MIPEP: variants seen among roughly 807,000 people sequenced by gnomAD.
MIPEP encodes mitochondrial intermediate peptidase.
MIPEP carries 79 observed loss-of-function variants against 90.3 expected under a neutral mutation model. The ratio of observed to expected loss-of-function variants is 0.87; its 90% confidence interval spans 0.73 to 1.05. The LOEUF (loss-of-function observed/expected upper bound fraction) is 1.05. Ranked by LOEUF, MIPEP falls within the 50% of genes least tolerant of loss-of-function variation. The pLI is 0.00. For missense variants in MIPEP, 940 were observed against 905.6 expected, an observed-to-expected ratio of 1.04 and a Z score of -0.49; for synonymous variants, 334 against 315.8, an observed-to-expected ratio of 1.06 and a Z score of -0.61.
At chr13:23,830,864 A>C (rs1868705067) in intron 14 of MIPEP, among the ~76,000 whole-genome samples, 1 of 152,184 alleles carries the variant, frequency 6.6e-6, no homozygotes, top group South Asian at 2.1e-4. Context: ...TCACTGTAAA[A>C]CAGGCCCTCC....
chr13:23,813,183 T>A (rs1045820367), intron 14 of MIPEP, among the ~76,000 whole-genome samples: 3 of 152,220 alleles, frequency 2.0e-5, no homozygotes, highest in South Asian at 4.1e-4. Context: ...AGTTATTTTT[T>A]AAAAATAAAC....
intron 14 of MIPEP, among the ~76,000 whole-genome samples, chr13:23,818,765 T>C (rs137883040): frequency 9.9e-4 from 151 of 152,334 alleles, no homozygotes; most frequent in African/African-American, 3.5e-3. Context: ...GTTCATTATG[T>C]ATGGAGAAAT....
At chr13:23,780,264 G>A (rs1215614490) in intron 16 of MIPEP, among the ~76,000 whole-genome samples, 1 of 152,236 alleles carries the variant, frequency 6.6e-6, no homozygotes, top group Non-Finnish European at 1.5e-5. Context: ...AGCTTCCAGA[G>A]GAATGATCAA....
chr13:23,783,109 G>A (rs1952798187), intron 16 of MIPEP, among the ~76,000 whole-genome samples: 1 of 152,116 alleles, frequency 6.6e-6, no homozygotes, highest in South Asian at 2.1e-4. Context: ...CATTTTATGA[G>A]GCCAGCATCA....
rs34069993 is a variant in MIPEP, at chr13:23,885,912, T to TAAA, written c.363+418_363+420dup. 7.5e-4 allele frequency among the ~76,000 whole-genome samples: 101 copies of TAAA among 134,924 alleles called. 1 individual carries two copies. The highest frequency in any genetic ancestry group is 6.4e-4 in the East Asian group (3 of 4,682). The allele number at this position is 134,924 out of a possible 152,430, so 88.5% of individuals were successfully genotyped here. A position where few individuals can be genotyped will look rare whatever the true frequency, so the allele number is the denominator to read the frequency against. ...CAACACAGGGAGACCCTGTCTCTAT[T>TAAA]AAAAAAAAAAAAAAAAGAAAAAGGG... On this transcript the variant is annotated intron_variant, in intron 2 of 18. Transcript: ENST00000382172.
At position 23,847,477 on chromosome 13, in the gene MIPEP, A is replaced by AAC. The variant is rs1555239492; in HGVS notation, c.1107-5990_1107-5989insGT. Among the ~76,000 whole-genome samples, 9 of 151,906 alleles carry AAC rather than the reference A, an allele frequency of 5.9e-5. No homozygotes were observed. The South Asian group carries it at 1.3e-3, about 21-fold the overall frequency. ...TCAAATCCAAGCTAAAAAAAAAAAA[A>AAC]AAACCCAAACAGAAAACTACAGACA... On this transcript the variant is annotated intron_variant, in intron 10 of 18. Coordinates refer to ENST00000382172, the MANE Select transcript of MIPEP (RefSeq NM_005932.4).
chr13:23,779,176 G>A (rs1364126506), intron 16 of MIPEP, among the ~76,000 whole-genome samples: 1 of 152,186 alleles, frequency 6.6e-6, no homozygotes, highest in Non-Finnish European at 1.5e-5. Flanking sequence ...CAGTTTGAAA[G>A]TTCAAGCCAT....
At chr13:23,819,106 T>C (rs1004876655) in intron 14 of MIPEP, among the ~76,000 whole-genome samples, 1 of 152,246 alleles carries the variant, frequency 6.6e-6, no homozygotes, top group African/African-American at 2.4e-5. Flanking sequence ...GGTTTATTCA[T>C]TTCTTTTAAT....
intron 10 of MIPEP, among the ~76,000 whole-genome samples, chr13:23,854,469 T>G (rs1290354958): frequency 6.6e-6 from 1 of 152,206 alleles, no homozygotes; most frequent in Non-Finnish European, 1.5e-5. Context: ...GAGCCCATTT[T>G]TTGAATAGTT....
chr13:23,845,922 ATT>A (rs577515187), intron 10 of MIPEP, among the ~76,000 whole-genome samples: 3 of 136,822 alleles, frequency 2.2e-5, no homozygotes, highest in African/African-American at 5.3e-5. Context: ...ATTGTTTTTA[ATT>A]TTTTTTTTTT....
chr13:23,749,654 G>A (rs1258712395), intron 18 of MIPEP, among the ~76,000 whole-genome samples: 2 of 152,126 alleles, frequency 1.3e-5, no homozygotes, highest in Admixed American at 6.5e-5. Context: ...TGGCCGAATT[G>A]CATAAGGGCT....
At chr13:23,836,450 G>A in intron 13 of MIPEP, 101 bp from the exon 14 acceptor site, 1 of 536,344 alleles carries the variant, frequency 1.9e-6, no homozygotes, top group Non-Finnish European at 3.1e-6. Flanking sequence ...CTGATGAACT[G>A]TAAGTTTTAA....
chr13:23,820,281 G>A (rs1448395592), intron 14 of MIPEP, among the ~76,000 whole-genome samples: 2 of 152,190 alleles, frequency 1.3e-5, no homozygotes, highest in African/African-American at 2.4e-5. Flanking sequence ...AAGCAGGTCA[G>A]ATTGTCTAGG....
At position 23,879,481 on chromosome 13, in the gene MIPEP, G is replaced by A. The variant is rs139529409; in HGVS notation, c.453-127C>T. The stretch of plus-strand genomic sequence containing the variant: ...GAAGCTGAACAGCATAACCTACCAG[G>A]AACAGTGTAACCATCCTTCCTTCCT... On this transcript the variant is annotated intron_variant, in intron 3 of 18. Transcript: ENST00000382172. 342 of 599,746 alleles carry A rather than the reference G, an allele frequency of 5.7e-4. 2 individuals carry two copies. The African/African-American group carries it at 5.9e-3, about 10-fold the overall frequency. The allele number at this position is 599,746 out of a possible 1,614,324, so 37.2% of individuals were successfully genotyped here.
chr13:23,761,263 A>T (rs979425526), intron 16 of MIPEP, among the ~76,000 whole-genome samples: 2 of 152,192 alleles, frequency 1.3e-5, no homozygotes, highest in African/African-American at 4.8e-5. Flanking sequence ...TTCTAATCAT[A>T]AGAAGGAAGA....
chr13:23,760,354 C>T, intron 16 of MIPEP, 137 bp from the exon 17 acceptor site: 1 of 1,074,514 alleles, frequency 9.3e-7, no homozygotes, highest in Non-Finnish European at 1.4e-6. Context: ...GGCTACGTCA[C>T]CTATGATATC....
chr13:23,793,293 T>C (rs554151473), intron 16 of MIPEP, among the ~76,000 whole-genome samples: 68 of 152,348 alleles, frequency 4.5e-4, no homozygotes, highest in African/African-American at 1.6e-3. Flanking sequence ...ACAGTGGATC[T>C]CACAGACATG....
intron 10 of MIPEP, among the ~76,000 whole-genome samples, chr13:23,856,951 T>G (rs1310229286): frequency 2.6e-5 from 4 of 151,948 alleles, no homozygotes; most frequent in Non-Finnish European, 5.9e-5. Context: ...ATTAGAATAT[T>G]TAATATTCTA....
intron 18 of MIPEP, among the ~76,000 whole-genome samples, chr13:23,736,646 C>A (rs2138481928): frequency 6.6e-6 from 1 of 152,274 alleles, no homozygotes; most frequent in South Asian, 2.1e-4. Context: ...CGAGTGACTG[C>A]AGACATACAG....
Sources: allele counts gnomAD v4.1 joint callset (sites outside exome capture counted in the v4.1 genomes callset), GRCh38; gene constraint gnomAD v4.1.1; transcripts MANE v1.5; gene names NCBI Gene and HGNC (gene_info 2026-07-23, HGNC 2026-07-21).